Variants in ORC6 observed in about 807,000 individuals in gnomAD.
The protein encoded by ORC6 is origin recognition complex, subunit 6 homolog-like (yeast).
In ORC6, 31 loss-of-function variants were observed where a neutral mutation model predicts 30.0. That is an observed-to-expected ratio of 1.03 (90% confidence interval 0.78 to 1.40). The LOEUF (loss-of-function observed/expected upper bound fraction) is 1.40. Among genes scored for constraint, ORC6 ranks in the 40% most tolerant of loss-of-function variants. The probability of loss-of-function intolerance (pLI) is 0.00; values close to 1 mark genes in which losing one functional copy is unlikely to be tolerated. For missense variants in ORC6, 340 were observed against 304.3 expected (o/e 1.12, Z -0.87); for synonymous variants, 136 against 111.2 (o/e 1.22, Z -1.40).
In ORC6 at chr16:46,697,836, C is replaced by T. The variant is rs150819977; in HGVS notation, c.*251C>T. The T allele has an allele frequency of 2.1e-5, 12 of 562,096 alleles. No homozygotes were observed. Among genetic ancestry groups the T allele is most frequent in the Admixed American group, 6.6e-5 (3 of 45,720 alleles). The allele number at this position is 562,096 out of a possible 1,614,324, so 34.8% of individuals were successfully genotyped here. A position where few individuals can be genotyped will look rare whatever the true frequency, so the allele number is the denominator to read the frequency against. The stretch of plus-strand genomic sequence containing the variant: ...TTTCCTACAAAATGGAATTGGAGGC[C>T]GGGCGCAGTGGCTCACGCCTGTAAT... On this transcript the variant is annotated 3_prime_UTR_variant, in exon 7 of 7. Transcript: ENST00000219097.
chr16:46,692,825 A>C lies in ORC6; in HGVS notation c.360-268A>C, dbSNP rs187954334. On this transcript the variant is annotated intron_variant, in intron 3 of 6. Coordinates refer to ENST00000219097, the MANE Select transcript of ORC6 (RefSeq NM_014321.4). ...GGAGGTTGCAGTAAGCCGAGATTGC[A>C]CCACTGCACTCCAGCCTGGATGACA... Among the ~76,000 whole-genome samples the C allele has an allele frequency of 6.0e-3, 909 of 151,990 alleles. 6 individuals are homozygous for C. Among genetic ancestry groups the C allele is most frequent in the Non-Finnish European group, 9.8e-3 (668 of 67,966 alleles).
In ORC6 at chr16:46,690,964, T is replaced by TAGCGAACACACTGCCCTTTTAAC. The variant is rs776775945; in HGVS notation, c.66-26_66-4dup. 4.3e-6 allele frequency: 7 copies of TAGCGAACACACTGCCCTTTTAAC among 1,613,814 alleles called. No homozygotes were observed. In the East Asian group the frequency reaches 1.6e-4, roughly 36 times the overall value. ...GTTGAGCAAACTTCTGAATAAGTTG[T>TAGCGAACACACTGCCCTTTTAAC]AGCGAACACACTGCCCTTTTAACCA... On this transcript the variant is annotated intron_variant, in intron 1 of 6. Transcript: ENST00000219097.
Position 46,695,874 on chromosome 16 carries a change from G to A in ORC6, c.563-143G>A, listed in dbSNP as rs1160100179. On this transcript the variant is annotated intron_variant, in intron 5 of 6. Transcript: ENST00000219097. ...AAATGATTCTCAAGTCTGACAAGAG[G>A]CCCAAAAGAGAGGTCTAAGATCATT... 8 of 764,256 alleles carry A rather than the reference G, an allele frequency of 1.0e-5. No homozygotes were observed. The Admixed American group carries it at 1.4e-4, about 14-fold the overall frequency. 47.3% of individuals were successfully genotyped at this position (764,256 alleles called of 1,614,324 possible).
intron 1 of ORC6, 51 bp from the exon 2 acceptor site, chr16:46,690,940 T>C (rs1483085879): frequency 1.2e-6 from 2 of 1,608,084 alleles, no homozygotes; most frequent in Non-Finnish European, 1.7e-6. Flanking sequence ...TACCAACGTG[T>C]TGAGCAAACT....
intron 2 of ORC6, 110 bp from the exon 3 acceptor site, chr16:46,692,272 C>A (rs1229728157): frequency 2.2e-6 from 2 of 919,358 alleles, no homozygotes; most frequent in Non-Finnish European, 3.4e-6. Flanking sequence ...AGTGACTTGC[C>A]ACAAAATTAA....
chr16:46,697,460 AT>A lies in ORC6; in HGVS notation c.635del (p.Met212ArgfsTer4). The A allele has an allele frequency of 6.2e-7, 1 of 1,612,308 alleles. No individual in the cohort carries two copies. The highest frequency in any genetic ancestry group is 8.5e-7 in the Non-Finnish European group (1 of 1,178,584). On this transcript the variant is annotated frameshift_variant, in exon 7 of 7. Transcript: ENST00000219097. LOFTEE classifies it high-confidence loss of function. Reference sequence around the variant, plus strand: ...TGCTTTTGATAATTTTCTGTCAGAAATGGAGAAGGTAGAGGAGATGCCACAT... The same window carrying A: ...TGCTTTTGATAATTTTCTGTCAGAAAGGAGAAGGTAGAGGAGATGCCACAT... ...KIVVEAPAKE[M>X]EKVEEMPHKP...
chr16:46,695,882 G>T, intron 5 of ORC6, 135 bp from the exon 6 acceptor site: 1 of 779,430 alleles, frequency 1.3e-6, no homozygotes, highest in East Asian at 2.7e-5. Context: ...AGGCCCAAAA[G>T]AGAGGTCTAA....
Position 46,693,157 on chromosome 16 carries a change from T to G in ORC6, c.424T>G (p.Ser142Ala). 6.2e-7 allele frequency: 1 copy of G among 1,612,262 alleles called. No individual in the cohort carries two copies. Among genetic ancestry groups the G allele is most frequent in the Non-Finnish European group, 8.5e-7 (1 of 1,178,314 alleles). Residue 142 changes from serine to alanine, a missense_variant, in exon 4 of 7, where the codon TCT becomes GCT. Coordinates refer to ENST00000219097, the MANE Select transcript of ORC6 (RefSeq NM_014321.4). ...DLDLSRPLFT[S>A]AALLSACKIL... ...TGACTTATCCAGGCCACTTTTCACT[T>G]CTGCTGCACTGCTTTCAGCATGCAA...
In ORC6 at chr16:46,696,074, C is replaced by T. The variant is rs143934729; in HGVS notation, c.620C>T (p.Ala207Val). The T allele has an allele frequency of 1.9e-6, 3 of 1,610,916 alleles. No individual in the cohort carries two copies. The highest frequency in any genetic ancestry group is 2.7e-5 in the African/African-American group (2 of 74,880). The change falls in exon 6 of 7, where the codon GCC (alanine) becomes GTC (valine). Residue 207 changes from alanine to valine, a missense_variant. Coordinates refer to ENST00000219097, the MANE Select transcript of ORC6 (RefSeq NM_014321.4). ...AAGAGAAAGAAGATAGTGGTTGAAGCCCCAGCAAAGGGTAAGTTTTACTAA... is the reference window on the plus strand; with the variant it reads ...AAGAGAAAGAAGATAGTGGTTGAAGTCCCAGCAAAGGGTAAGTTTTACTAA... ...PRKRKKIVVE[A>V]PAKEMEKVEE...
intron 6 of ORC6, 109 bp downstream of exon 6, chr16:46,696,194 G>T (rs748928875): frequency 1.4e-5 from 11 of 767,520 alleles, no homozygotes; most frequent in Non-Finnish European, 2.1e-5. Context: ...CATTCTGACT[G>T]TGAATCATTT....
Position 46,689,669 on chromosome 16 carries a change from G to T in ORC6, c.-37G>T, listed in dbSNP as rs1966398776. The T allele has an allele frequency of 6.3e-7, 1 of 1,582,154 alleles. No individual in the cohort carries two copies. Among genetic ancestry groups the T allele is most frequent in the South Asian group, 1.1e-5 (1 of 87,194 alleles). On this transcript the variant is annotated 5_prime_UTR_variant, in exon 1 of 7. Transcript: ENST00000219097. ...TTGCGCGCGGGTTTCGTTGACCCGCGGCGTTCACGGGAATTGTTCGCTTTA... is the reference window on the plus strand; with the variant it reads ...TTGCGCGCGGGTTTCGTTGACCCGCTGCGTTCACGGGAATTGTTCGCTTTA...
rs1966532455 is a variant in ORC6, at chr16:46,697,593, T to C, written c.*8T>C. The C allele has an allele frequency of 6.2e-7, 1 of 1,613,944 alleles. No individual in the cohort carries two copies. The highest frequency in any genetic ancestry group is 1.3e-5 in the African/African-American group (1 of 75,048). On this transcript the variant is annotated 3_prime_UTR_variant, in exon 7 of 7. Coordinates refer to ENST00000219097, the MANE Select transcript of ORC6 (RefSeq NM_014321.4). ...AAGGCTACAGCAGAGTGATTTCAGC[T>C]TCCAAACTGGTATACATTCCAAACT... is the stretch of plus-strand genomic sequence containing the variant.
chr16:46,696,785 A>T (rs1463576087), intron 6 of ORC6, among the ~76,000 whole-genome samples: 1 of 152,080 alleles, frequency 6.6e-6, no homozygotes. Context: ...CCTCCCGAGT[A>T]GCTGGGACTA....
intron 4 of ORC6, chr16:46,693,568 G>C: frequency 3.3e-6 from 1 of 304,300 alleles, no homozygotes; most frequent in Non-Finnish European, 6.4e-6. Flanking sequence ...GGGAGGCAGA[G>C]GCAGGAGGAC....
intron 6 of ORC6, 164 bp downstream of exon 6, chr16:46,696,249 T>C (rs1966516582): frequency 1.5e-6 from 1 of 676,494 alleles, no homozygotes; most frequent in Admixed American, 2.1e-5. Context: ...AGTAACATCG[T>C]TATTGGGTAA....
At position 46,693,129 on chromosome 16, in the gene ORC6, T is replaced by TC; in HGVS notation, c.397dup (p.Leu133ProfsTer2). 6.2e-7 allele frequency: 1 copy of TC among 1,613,192 alleles called. No individual in the cohort carries two copies. Among genetic ancestry groups the TC allele is most frequent in the East Asian group, 2.2e-5 (1 of 44,882 alleles). On this transcript the variant is annotated frameshift_variant, in exon 4 of 7. Coordinates refer to ENST00000219097, the MANE Select transcript of ORC6 (RefSeq NM_014321.4). LOFTEE classifies it high-confidence loss of function. Reference sequence around the variant, plus strand: ...GTCTTCCCCAGACACAGCAAGTGGATCTTGACTTATCCAGGCCACTTTTCA... The same window carrying TC: ...GTCTTCCCCAGACACAGCAAGTGGATCCTTGACTTATCCAGGCCACTTTTCA...
Position 46,698,179 on chromosome 16 carries a change from AGATG to A in ORC6, c.*598_*601del, listed in dbSNP as rs1227635619. Reference sequence around the variant, plus strand: ...GAGACTTATAGATAGATAGATAGATAGATGGATAGATAGATAGATAGATAGATAG... The same window carrying A: ...GAGACTTATAGATAGATAGATAGATAGATAGATAGATAGATAGATAGATAG... On this transcript the variant is annotated 3_prime_UTR_variant, in exon 7 of 7. Coordinates refer to ENST00000219097, the MANE Select transcript of ORC6 (RefSeq NM_014321.4). The A allele has an allele frequency of 3.0e-5, 12 of 406,210 alleles. No individual in the cohort carries two copies. In the East Asian group the frequency reaches 3.9e-4, roughly 13 times the overall value. 25.2% of individuals were successfully genotyped at this position (406,210 alleles called of 1,614,324 possible).
In ORC6 at chr16:46,694,628, C is replaced by CGGGG. The variant is rs375062281; in HGVS notation, c.450-931_450-930insGGGG. On this transcript the variant is annotated intron_variant, in intron 4 of 6. Coordinates refer to ENST00000219097, the MANE Select transcript of ORC6 (RefSeq NM_014321.4). The stretch of plus-strand genomic sequence containing the variant: ...AGTAGGGGCGGCCGGGGCGGCTGGC[C>CGGGG]GGGCGGGGGGCTGACCCCCCCACAA... The CGGGG allele has an allele frequency of 5.2e-5, 6 of 116,216 alleles. 1 individual carries two copies. The highest frequency in any genetic ancestry group is 8.6e-5 in the Non-Finnish European group (5 of 57,814). 7.2% of individuals were successfully genotyped at this position (116,216 alleles called of 1,614,324 possible). A position where few individuals can be genotyped will look rare whatever the true frequency, so the allele number is the denominator to read the frequency against.
intron 2 of ORC6, among the ~76,000 whole-genome samples, chr16:46,691,958 A>ACACACACACCCTCTCTCTCTCTCTCT: frequency 2.7e-5 from 1 of 36,664 alleles, no homozygotes; most frequent in African/African-American, 9.6e-5. Flanking sequence ...ACACACACAC[A>ACACACACACCCTCTCTCTCTCTCTCT]CTCTCTCTCT....
Sources: allele counts gnomAD v4.1 joint callset (sites outside exome capture counted in the v4.1 genomes callset), GRCh38; gene constraint gnomAD v4.1.1; transcripts MANE v1.5; gene names NCBI Gene and HGNC (gene_info 2026-07-23, HGNC 2026-07-21).